GLB1: variants seen among roughly 807,000 people sequenced by gnomAD.
The protein encoded by GLB1 is beta-galactosidase.
In GLB1, 56 loss-of-function variants were observed where a neutral mutation model predicts 74.0. The ratio of observed to expected loss-of-function variants is 0.76; its 90% CI spans 0.61 to 0.94. The LOEUF (loss-of-function observed/expected upper bound fraction) is 0.94, where lower values mean the gene tolerates loss of function less well. Among genes scored for constraint, GLB1 ranks in the 40% least tolerant of loss-of-function variants. GLB1 has a pLI of 0.00. For synonymous variants in GLB1, 323 were observed against 323.6 expected (o/e 1.00, Z 0.02); for missense variants, 787 against 845.5 (o/e 0.93, Z 0.86).
the GLB1 span, among the ~76,000 whole-genome samples, chr3:32,991,532 G>C: frequency 6.6e-6 from 1 of 152,192 alleles, no homozygotes; most frequent in African/African-American, 2.4e-5. Flanking sequence ...TGACTACTTT[G>C]ACCAGTAGAG....
rs560406926 is a variant in GLB1, at chr3:33,064,691, T to C, written c.552+772A>G. Among the ~76,000 whole-genome samples, 11 of 137,748 alleles carry C rather than the reference T, an allele frequency of 8.0e-5. No homozygotes were observed. The South Asian group carries it at 2.5e-3, about 32-fold the overall frequency. 90.4% of individuals were successfully genotyped at this position (137,748 alleles called of 152,430 possible). A position where few individuals can be genotyped will look rare whatever the true frequency, so the allele number is the denominator to read the frequency against. On this transcript the variant is annotated intron_variant, in intron 5 of 15. Transcript: ENST00000307363. ...ACATGGGAGGCTGAGGTGGGAGAATTGCCTGAACTCAGAAGGCAGAGGTTG... is the reference window on the plus strand; with the variant it reads ...ACATGGGAGGCTGAGGTGGGAGAATCGCCTGAACTCAGAAGGCAGAGGTTG...
At chr3:32,984,308 CAG>C in the GLB1 span, among the ~76,000 whole-genome samples, 3 of 151,888 alleles carry the variant, frequency 2.0e-5, no homozygotes, top group East Asian at 1.9e-4. Flanking sequence ...GGGCGTTGCT[CAG>C]GGGGGAATTC....
At chr3:33,002,651 C>A (rs1313498420) in intron 15 of GLB1, among the ~76,000 whole-genome samples, 4 of 152,160 alleles carry the variant, frequency 2.6e-5, no homozygotes, top group Admixed American at 6.6e-5. Context: ...TCAAGTGATC[C>A]TCCTGCTTTC....
At chr3:33,009,556 G>C (rs1021186731) in intron 15 of GLB1, among the ~76,000 whole-genome samples, 5 of 152,116 alleles carry the variant, frequency 3.3e-5, no homozygotes, top group Non-Finnish European at 7.4e-5. Flanking sequence ...AGCAAGGTTG[G>C]TAGGCATGAG....
rs1340818493 is a variant in GLB1 at position 33,051,784 on chromosome 3, C to T, written c.929G>A (p.Gly310Asp). The change falls in exon 9 of 16, where the codon GGT becomes GAT. Residue 310 changes from glycine to aspartate, a missense_variant. By Grantham distance (94) the Gly-to-Asp change is moderately conservative. Transcript: ENST00000307363. ...ATTCCAATAGGCAAAATTGGTCCCA[C>T]CTATAAACATGTACCTACAAGGAAA... ...GASVNLYMFI[G>D]GTNFAYWNGA... The T allele has an allele frequency of 6.2e-7, 1 of 1,614,148 alleles. No homozygotes were observed. Among genetic ancestry groups the T allele is most frequent in the African/African-American group, 1.3e-5 (1 of 75,028 alleles).
intron 4 of GLB1, among the ~76,000 whole-genome samples, 162 bp downstream of exon 4, chr3:33,068,068 G>A (rs1699756730): frequency 6.6e-6 from 1 of 152,032 alleles, no homozygotes; most frequent in African/African-American, 2.4e-5. Flanking sequence ...TGTATTTTTA[G>A]TAGGGGCGAG....
intron 6 of GLB1, among the ~76,000 whole-genome samples, chr3:33,057,637 C>T (rs1268680918): frequency 6.6e-6 from 1 of 152,200 alleles, no homozygotes; most frequent in Non-Finnish European, 1.5e-5. Context: ...GGTAAGTTCC[C>T]AGCCAGTGGC....
At position 33,002,946 on chromosome 3, in the gene GLB1, G is replaced by A. The variant is rs79181883; in HGVS notation, c.1735-5602C>T. On this transcript the variant is annotated intron_variant, in intron 15 of 15. Transcript: ENST00000307363. Reference sequence around the variant, plus strand: ...CCTGGGAGAAAGAGAAGAAAAAGAGGAGAATTGAAAAGAAAAAAAGGTAAA... The same window carrying A: ...CCTGGGAGAAAGAGAAGAAAAAGAGAAGAATTGAAAAGAAAAAAAGGTAAA... Among the ~76,000 whole-genome samples the A allele has an allele frequency of 8.9e-3, 1,347 of 152,166 alleles. 20 individuals carry two copies. Among genetic ancestry groups the A allele is most frequent in the African/African-American group, 0.03 (1,264 of 41,510 alleles).
chr3:32,972,984 T>C, the GLB1 span, among the ~76,000 whole-genome samples: 1 of 152,210 alleles, frequency 6.6e-6, no homozygotes, highest in African/African-American at 2.4e-5. Flanking sequence ...AAACATGTTT[T>C]TCCTTGAAAA....
At chr3:33,050,241 T>C (rs1000714071) in intron 9 of GLB1, among the ~76,000 whole-genome samples, 1 of 152,206 alleles carries the variant, frequency 6.6e-6, no homozygotes, top group Non-Finnish European at 1.5e-5. Context: ...ACTATGGCAG[T>C]TCCTGAAACT....
rs117909082 is a variant in GLB1, at chr3:33,006,308, A to T, written c.1734+7748T>A. On this transcript the variant is annotated intron_variant, in intron 15 of 15. Coordinates refer to ENST00000307363, the MANE Select transcript of GLB1 (RefSeq NM_000404.4). ...GCATCAGATTCTCATAGGAGCAGGA[A>T]CCCTATTGTGAACTGCGCACGCGAG... 0.022 allele frequency among the ~76,000 whole-genome samples: 3,353 copies of T among 152,230 alleles called. 525 individuals carry two copies. In the East Asian group the frequency reaches 0.43, roughly 19 times the overall value.
chr3:32,994,920 CAAAA>C (rs56169200), downstream of GLB1, among the ~76,000 whole-genome samples: 2 of 115,680 alleles, frequency 1.7e-5, no homozygotes, highest in African/African-American at 3.5e-5. Context: ...GACTCTGTTT[CAAAA>C]AAAAAAAAAA....
intron 15 of GLB1, among the ~76,000 whole-genome samples, chr3:33,004,863 C>A (rs1162589550): frequency 6.6e-6 from 1 of 152,072 alleles, no homozygotes; most frequent in Non-Finnish European, 1.5e-5. Context: ...CTATGAGACC[C>A]CCAAAGGTGG....
chr3:33,028,728 C>A (rs1443985793), intron 10 of GLB1, among the ~76,000 whole-genome samples: 1 of 151,154 alleles, frequency 6.6e-6, no homozygotes, highest in African/African-American at 2.4e-5. Context: ...TGCAATGGCA[C>A]AATCTCGGCT....
the GLB1 span, among the ~76,000 whole-genome samples, chr3:32,978,918 C>A: frequency 6.9e-6 from 1 of 144,580 alleles, no homozygotes; most frequent in Non-Finnish European, 1.5e-5. Context: ...CACCACCACA[C>A]CCGGCTAATT....
chr3:32,979,868 A>G, the GLB1 span, among the ~76,000 whole-genome samples: 4 of 128,146 alleles, frequency 3.1e-5, no homozygotes, highest in African/African-American at 1.2e-4. Context: ...AAAAAAAAAA[A>G]AAAAAAAAAA....
chr3:33,054,196 C>A (rs1353343255), intron 6 of GLB1, among the ~76,000 whole-genome samples: 1 of 152,132 alleles, frequency 6.6e-6, no homozygotes, highest in African/African-American at 2.4e-5. Flanking sequence ...ACCTCTAGAA[C>A]TGTGAGCAAT....
chr3:33,051,615 A>AAAG lies in GLB1; in HGVS notation c.955+142_955+143insCTT. On this transcript the variant is annotated intron_variant, in intron 9 of 15. Coordinates refer to ENST00000307363, the MANE Select transcript of GLB1 (RefSeq NM_000404.4). ...GTGAGACTGTCTACAAAAAAAAAAA[A>AAAG]AAAAGAAAAAGAAAAAAAAAGAAAA... The AAAG allele has an allele frequency of 7.1e-5, 84 of 1,176,544 alleles. No individual in the cohort carries two copies. In the East Asian group the frequency reaches 1.4e-3, roughly 19 times the overall value. The allele number at this position is 1,176,544 out of a possible 1,614,324, so 72.9% of individuals were successfully genotyped here.
chr3:33,034,169 G>C, intron 10 of GLB1: 1 of 630,780 alleles, frequency 1.6e-6, no homozygotes, highest in Non-Finnish European at 2.9e-6. Context: ...CTCAGGATAT[G>C]ACTCCTCCGT....
Sources: allele counts gnomAD v4.1 joint callset (sites outside exome capture counted in the v4.1 genomes callset), GRCh38; gene constraint gnomAD v4.1.1; transcripts MANE v1.5; gene names NCBI Gene and HGNC (gene_info 2026-07-23, HGNC 2026-07-21).